Variants in SDAD1 observed in about 807,000 individuals in gnomAD.
SDAD1 encodes the protein SDA1 domain containing 1.
In SDAD1, 79 loss-of-function variants were observed where a neutral mutation model predicts 100.3. That is an observed-to-expected ratio of 0.79 (90% CI 0.66 to 0.95). The LOEUF (loss-of-function observed/expected upper bound fraction) is 0.95. Among genes scored for constraint, SDAD1 ranks in the 40% least tolerant of loss-of-function variants. SDAD1 has a pLI of 0.00. For missense variants in SDAD1, 790 were observed against 810.9 expected (o/e 0.97, Z 0.31); for synonymous variants, 267 against 271.4 (o/e 0.98, Z 0.16).
At chr4:75,953,103 T>A (rs1200445577) in intron 21 of SDAD1, among the ~76,000 whole-genome samples, 1 of 152,180 alleles carries the variant, frequency 6.6e-6, no homozygotes, top group African/African-American at 2.4e-5. Flanking sequence ...AAATTCTGAT[T>A]AATATCAGGT....
At chr4:75,964,046 T>A in intron 14 of SDAD1, 89 bp downstream of exon 14, 1 of 841,000 alleles carries the variant, frequency 1.2e-6, no homozygotes, top group East Asian at 2.6e-5. Context: ...GAGGTGATAC[T>A]ACCAGCTACA....
At chr4:75,966,623 G>A (rs1163332171) in intron 12 of SDAD1, among the ~76,000 whole-genome samples, 3 of 152,136 alleles carry the variant, frequency 2.0e-5, no homozygotes. Context: ...GAGAATGCAT[G>A]CAAGGTCAAT....
intron 8 of SDAD1, among the ~76,000 whole-genome samples, chr4:75,972,689 T>C (rs1282280027): frequency 2.0e-5 from 3 of 151,308 alleles, no homozygotes; most frequent in Non-Finnish European, 4.4e-5. Flanking sequence ...TAATATTTTA[T>C]GCCATCATGA....
intron 1 of SDAD1, 57 bp from the exon 2 acceptor site, chr4:75,982,094 A>AT: frequency 9.9e-7 from 1 of 1,008,560 alleles, no homozygotes; most frequent in Non-Finnish European, 1.5e-6. Flanking sequence ...TTCTCAGTAC[A>AT]GACATTCAGT....
At chr4:75,958,990 C>T (rs1011137779) in intron 17 of SDAD1, among the ~76,000 whole-genome samples, 7 of 143,068 alleles carry the variant, frequency 4.9e-5, no homozygotes, top group African/African-American at 1.0e-4. Context: ...CCCAGCTATT[C>T]GGGAGGCTGA....
chr4:75,978,552 C>T (rs1416596551), intron 3 of SDAD1, among the ~76,000 whole-genome samples: 1 of 151,992 alleles, frequency 6.6e-6, no homozygotes, highest in African/African-American at 2.4e-5. Context: ...CCCTATCACC[C>T]AAATTTTGTG....
At chr4:75,962,450 T>A (rs1256210489) in intron 14 of SDAD1, among the ~76,000 whole-genome samples, 2 of 152,218 alleles carry the variant, frequency 1.3e-5, no homozygotes, top group African/African-American at 2.4e-5. Context: ...TATTTCTAGT[T>A]CTAGATCCTT....
At chr4:75,986,286 C>T (rs1245578465) in intron 1 of SDAD1, among the ~76,000 whole-genome samples, 1 of 152,006 alleles carries the variant, frequency 6.6e-6, no homozygotes, top group Non-Finnish European at 1.5e-5. Context: ...CTACAAACCT[C>T]AATTAAGCCC....
At position 75,956,095 on chromosome 4, in the gene SDAD1, G is replaced by T. The variant is rs147449768; in HGVS notation, c.1896C>A (p.Thr632=). The T allele has an allele frequency of 6.2e-7, 1 of 1,608,684 alleles. No homozygotes were observed. The highest frequency in any genetic ancestry group is 8.5e-7 in the Non-Finnish European group (1 of 1,178,614). ...TCGAACTGGAAAATGGATTTGTTTT[G>T]GTTTTCTTCCTCACAAATTCTTTTC... ...TDRKEFVRKK[T]KTNPFSSSTN... is the part of the protein sequence containing the mutation. Residue 632 remains threonine, a synonymous_variant, in exon 21 of 22, where the codon ACC becomes ACA. Transcript: ENST00000356260.
intron 1 of SDAD1, among the ~76,000 whole-genome samples, chr4:75,988,579 A>G (rs962110001): frequency 6.6e-6 from 1 of 152,092 alleles, no homozygotes; most frequent in African/African-American, 2.4e-5. Context: ...ATTATTTAAC[A>G]TACTATATTA....
At chr4:75,961,128 G>A in intron 15 of SDAD1, 24 bp from the exon 16 acceptor site, 1 of 1,611,852 alleles carries the variant, frequency 6.2e-7, no homozygotes, top group Non-Finnish European at 8.5e-7. Context: ...CTTTTAATTA[G>A]AAATTCTGGC....
chr4:75,953,182 A>T (rs557881285), intron 21 of SDAD1, among the ~76,000 whole-genome samples: 243 of 152,238 alleles, frequency 1.6e-3, no homozygotes, highest in Non-Finnish European at 2.8e-3. Context: ...ATGTCCAATG[A>T]AATCTTAATT....
At chr4:75,977,585 G>C in intron 4 of SDAD1, 61 bp downstream of exon 4, 1 of 1,049,098 alleles carries the variant, frequency 9.5e-7, no homozygotes. Context: ...TAATTCAAGA[G>C]ACAACAAAAT....
At chr4:75,988,648 C>G (rs1251518949) in intron 1 of SDAD1, among the ~76,000 whole-genome samples, 1 of 152,148 alleles carries the variant, frequency 6.6e-6, no homozygotes, top group Non-Finnish European at 1.5e-5. Context: ...GAATTTTTAT[C>G]GGTACAGCTC....
chr4:75,970,176 C>G (rs960379493), intron 10 of SDAD1, 133 bp downstream of exon 10: 1 of 676,180 alleles, frequency 1.5e-6, no homozygotes, highest in South Asian at 2.0e-5. Flanking sequence ...TTACAACCAA[C>G]TAGTAACAAC....
In SDAD1 at chr4:75,975,654, A is replaced by G. The variant is rs183065753; in HGVS notation, c.578+90T>C. 314 of 856,048 alleles carry G rather than the reference A, an allele frequency of 3.7e-4. No individual in the cohort carries two copies. The African/African-American group carries it at 5.0e-3, about 14-fold the overall frequency. 53.0% of individuals were successfully genotyped at this position (856,048 alleles called of 1,614,324 possible). A position where few individuals can be genotyped will look rare whatever the true frequency, so the allele number is the denominator to read the frequency against. On this transcript the variant is annotated intron_variant, in intron 6 of 21. Transcript: ENST00000356260. Reference sequence around the variant, plus strand: ...TGACATAAGTATATTAAAGAGCTCAAGCTCAAGAAAAGTATTTGTATATGT... The same window carrying G: ...TGACATAAGTATATTAAAGAGCTCAGGCTCAAGAAAAGTATTTGTATATGT...
At chr4:75,970,676 C>T (rs1425009630) in intron 9 of SDAD1, among the ~76,000 whole-genome samples, 1 of 152,176 alleles carries the variant, frequency 6.6e-6, no homozygotes, top group Non-Finnish European at 1.5e-5. Flanking sequence ...ACTGTAATCC[C>T]TGCATGTCGA....
Position 75,975,762 on chromosome 4 carries a change from A to C in SDAD1, c.560T>G (p.Leu187Arg). ...ACACTACCAGATGTTCCTTCTGTAG[A>C]GTTCAATCATTACATCTAAAGACAT... ...AKMSLDVMIE[L>R]YRRNIWNDAK... The change falls in exon 6 of 22, where the codon CTC (leucine) becomes CGC (arginine). Residue 187 changes from leucine (L) to arginine (R), a missense_variant. By Grantham distance (102) the Leu-to-Arg change is moderately radical. Transcript: ENST00000356260. The C allele has an allele frequency of 6.2e-7, 1 of 1,612,386 alleles. No homozygotes were observed. Among genetic ancestry groups the C allele is most frequent in the Non-Finnish European group, 8.5e-7 (1 of 1,178,408 alleles).
In SDAD1 at chr4:75,961,024, C is replaced by G; in HGVS notation, c.1356+4G>C. 6.2e-7 allele frequency: 1 copy of G among 1,613,054 alleles called. No homozygotes were observed. Among genetic ancestry groups the G allele is most frequent in the South Asian group, 1.1e-5 (1 of 91,054 alleles). Reference sequence around the variant, plus strand: ...TTAGACCAACATAAGTGTGCTTTACCTACCCGGAATTTCTTCTGCAGCATC... The same window carrying G: ...TTAGACCAACATAAGTGTGCTTTACGTACCCGGAATTTCTTCTGCAGCATC... On this transcript the variant is annotated splice_donor_region_variant and intron_variant, in intron 16 of 21. Coordinates refer to ENST00000356260, the MANE Select transcript of SDAD1 (RefSeq NM_018115.4).
Sources: gnomAD v4.1 joint callset for allele counts (sites outside exome capture counted in the v4.1 genomes callset) on GRCh38, gnomAD v4.1.1 for gene constraint, MANE v1.5 for transcripts, NCBI Gene and HGNC (gene_info 2026-07-23, HGNC 2026-07-21) for gene names.